Variants in ZC2HC1B observed in about 807,000 individuals in gnomAD.
ZC2HC1B encodes the protein zinc finger C2HC domain-containing protein 1B.
In ZC2HC1B, 36 loss-of-function variants were observed where a neutral mutation model predicts 31.0. That is an observed-to-expected ratio of 1.16 (90% CI 0.89 to 1.54). The LOEUF (loss-of-function observed/expected upper bound fraction) is 1.54, where lower values mean the gene tolerates loss of function less well. Ranked by LOEUF, ZC2HC1B falls within the 40% of genes most tolerant of loss-of-function variation. The pLI, the probability that ZC2HC1B is intolerant of heterozygous loss-of-function variation, is 0.00. For synonymous variants in ZC2HC1B, 73 were observed against 88.0 expected, an observed-to-expected ratio of 0.83 and a Z score of 0.95; for missense variants, 260 against 268.6, an observed-to-expected ratio of 0.97 and a Z score of 0.22.
At chr6:143,879,877 C>T (rs1777448946) in intron 1 of ZC2HC1B, among the ~76,000 whole-genome samples, 1 of 133,418 alleles carries the variant, frequency 7.5e-6, no homozygotes, top group African/African-American at 2.8e-5. Flanking sequence ...TGTTGCCCAG[C>T]AGGCACAATC....
At chr6:143,910,789 T>C (rs1428113934) in intron 6 of ZC2HC1B, among the ~76,000 whole-genome samples, 1 of 152,198 alleles carries the variant, frequency 6.6e-6, no homozygotes, top group Non-Finnish European at 1.5e-5. Flanking sequence ...AGTCTTGCTC[T>C]GTCTCCCAGG....
intron 4 of ZC2HC1B, among the ~76,000 whole-genome samples, chr6:143,893,922 G>T (rs1280150398): frequency 1.3e-5 from 2 of 152,062 alleles, no homozygotes; most frequent in East Asian, 3.9e-4. Flanking sequence ...TCCTGACCTC[G>T]TGATCCACCC....
rs577394274 is a variant in ZC2HC1B, at chr6:143,924,436, A to G, written c.599-13213A>G. On this transcript the variant is annotated intron_variant, in intron 6 of 7. Transcript: ENST00000237275. The surrounding 1 kb of genome is among the most constrained non-coding windows in gnomAD (Gnocchi z 5.2). ...ATATCCATGTTATCTACAAAGAGGGACAGTTTGACTTCCTCTATTCCAATT... is the reference window on the plus strand; with the variant it reads ...ATATCCATGTTATCTACAAAGAGGGGCAGTTTGACTTCCTCTATTCCAATT... Among the ~76,000 whole-genome samples the G allele has an allele frequency of 6.6e-6, 1 of 151,924 alleles. No individual in the cohort carries two copies. The highest frequency in any genetic ancestry group is 2.4e-5 in the African/African-American group (1 of 41,386).
rs1777649575 is a variant in ZC2HC1B at position 143,895,146 on chromosome 6, AATTT to A, written c.350-3401_350-3398del. ...GAATTCTCAGGCTTAAGTTCTAGAG[AATTT>A]ATTTGTTTTTTGTTGTTGTTGTTGT... On this transcript the variant is annotated intron_variant, in intron 4 of 7. Coordinates refer to ENST00000237275, the MANE Select transcript of ZC2HC1B (RefSeq NM_001013623.3). This position sits in a 1 kb window ranked among gnomAD's most constrained non-coding sequence, Gnocchi z 4.8. 2.0e-5 allele frequency among the ~76,000 whole-genome samples: 3 copies of A among 151,890 alleles called. No individual in the cohort carries two copies. Among genetic ancestry groups the A allele is most frequent in the South Asian group, 2.1e-4 (1 of 4,798 alleles).
chr6:143,864,786 G>C (rs1209577238), intron 1 of ZC2HC1B, among the ~76,000 whole-genome samples: 1 of 152,214 alleles, frequency 6.6e-6, no homozygotes, highest in East Asian at 1.9e-4. Context: ...GCTTGTCATT[G>C]CAGAAGTAGG....
chr6:143,867,470 G>GA (rs2128492791), intron 1 of ZC2HC1B, among the ~76,000 whole-genome samples: 1 of 152,290 alleles, frequency 6.6e-6, no homozygotes. Context: ...GAGTTTTAGG[G>GA]AACAAGTCAC....
At chr6:143,882,322 A>G (rs752105920) in intron 1 of ZC2HC1B, among the ~76,000 whole-genome samples, 4 of 102,952 alleles carry the variant, frequency 3.9e-5, no homozygotes, top group Non-Finnish European at 7.5e-5. Flanking sequence ...ATGTATACAT[A>G]TTTTATATTT....
intron 1 of ZC2HC1B, among the ~76,000 whole-genome samples, chr6:143,875,443 C>T (rs1318983617): frequency 6.6e-6 from 1 of 150,440 alleles, no homozygotes; most frequent in African/African-American, 2.5e-5. Context: ...TTTCAGCTAA[C>T]CAAGCAAATA....
At position 143,922,062 on chromosome 6, in the gene ZC2HC1B, G is replaced by A. The variant is rs960555007; in HGVS notation, c.599-15587G>A. ...GAAGGTGAATCTCTAAAGTGTTTAA[G>A]GACTTGGAGAAAAGTACCAAATGCC... On this transcript the variant is annotated intron_variant, in intron 6 of 7. Coordinates refer to ENST00000237275, the MANE Select transcript of ZC2HC1B (RefSeq NM_001013623.3). The surrounding 1 kb of genome is among the most constrained non-coding windows in gnomAD (Gnocchi z 5.0). 6.6e-6 allele frequency among the ~76,000 whole-genome samples: 1 copy of A among 152,178 alleles called. No homozygotes were observed. The highest frequency in any genetic ancestry group is 2.4e-5 in the African/African-American group (1 of 41,448).
intron 6 of ZC2HC1B, among the ~76,000 whole-genome samples, chr6:143,927,211 C>T (rs1053961034): frequency 7.2e-5 from 11 of 152,078 alleles, no homozygotes; most frequent in South Asian, 4.2e-4. Flanking sequence ...GGGTATATTG[C>T]GTAGTGTTGA....
intron 6 of ZC2HC1B, among the ~76,000 whole-genome samples, chr6:143,916,552 C>T (rs1010165301): frequency 2.0e-5 from 3 of 152,242 alleles, no homozygotes; most frequent in Non-Finnish European, 2.9e-5. Context: ...AGACACTCAA[C>T]ACCAGCCCAC....
intron 4 of ZC2HC1B, among the ~76,000 whole-genome samples, chr6:143,888,239 C>G (rs570944087): frequency 3.9e-5 from 6 of 152,178 alleles, no homozygotes; most frequent in Admixed American, 3.9e-4. Flanking sequence ...CCTGGGCTCT[C>G]TGTTCTATTC....
intron 6 of ZC2HC1B, among the ~76,000 whole-genome samples, chr6:143,935,942 C>T (rs968763019): frequency 6.6e-6 from 1 of 151,880 alleles, no homozygotes; most frequent in African/African-American, 2.4e-5. Context: ...GAGCCACTGC[C>T]CCTGTCTTCT....
chr6:143,886,795 C>A lies in ZC2HC1B; in HGVS notation c.323C>A (p.Pro108His). ...LAIKEGRPLP[P>H]PPPPSLNPDY... ...ATTAAAGAAGGCCGACCCCTCCCACCTCCACCCCCTCCATCCTTGAACCCA... is the reference window on the plus strand; with the variant it reads ...ATTAAAGAAGGCCGACCCCTCCCACATCCACCCCCTCCATCCTTGAACCCA... The change falls in exon 4 of 8, where the codon CCT (proline) becomes CAT (histidine). Residue 108 changes from proline to histidine, a missense_variant. Pro to His is a moderately conservative substitution (Grantham distance 77). Coordinates refer to ENST00000237275, the MANE Select transcript of ZC2HC1B (RefSeq NM_001013623.3). This position sits in a 1 kb window ranked among gnomAD's most constrained non-coding sequence, Gnocchi z 4.2. 1 of 1,540,000 alleles carries A rather than the reference C, an allele frequency of 6.5e-7. No individual in the cohort carries two copies. The highest frequency in any genetic ancestry group is 8.8e-7 in the Non-Finnish European group (1 of 1,141,770).
Position 143,884,305 on chromosome 6 carries a change from T to C in ZC2HC1B, c.30T>C (p.Asp10=), listed in dbSNP as rs746690380. The C allele has an allele frequency of 2.6e-5, 40 of 1,531,148 alleles. No individual in the cohort carries two copies. Among genetic ancestry groups the C allele is most frequent in the Non-Finnish European group, 3.0e-5 (34 of 1,131,844 alleles). 94.8% of individuals were successfully genotyped at this position (1,531,148 alleles called of 1,614,324 possible). A position where few individuals can be genotyped will look rare whatever the true frequency, so the allele number is the denominator to read the frequency against. ...AATGTGCTCTTGAATTTTACACAGA[T>C]GGCAATCAGGAATTGTTTCCCTGTG... MAGAEPFLA[D]GNQELFPCEV... is the part of the protein sequence containing the mutation. Residue 10 remains aspartate (D), a splice_region_variant and synonymous_variant, in exon 2 of 8, where the codon GAT becomes GAC. Coordinates refer to ENST00000237275, the MANE Select transcript of ZC2HC1B (RefSeq NM_001013623.3). This position sits in a 1 kb window ranked among gnomAD's most constrained non-coding sequence, Gnocchi z 5.1.
chr6:143,912,086 A>G (rs1053569567), intron 6 of ZC2HC1B, among the ~76,000 whole-genome samples: 1 of 152,122 alleles, frequency 6.6e-6, no homozygotes, highest in Non-Finnish European at 1.5e-5. Context: ...TGCATTGTGA[A>G]GTCCTGTACT....
At position 143,903,531 on chromosome 6, in the gene ZC2HC1B, A is replaced by G. The variant is rs1486475454; in HGVS notation, c.598+379A>G. ...ATCCTCCTCAATTTATGATGGGGCT[A>G]TGTCCTGATAAGCCCATTGTAAATA... is the stretch of plus-strand genomic sequence containing the variant. On this transcript the variant is annotated intron_variant, in intron 6 of 7. Coordinates refer to ENST00000237275, the MANE Select transcript of ZC2HC1B (RefSeq NM_001013623.3). The surrounding 1 kb of genome is among the most constrained non-coding windows in gnomAD (Gnocchi z 4.3). Among the ~76,000 whole-genome samples the G allele has an allele frequency of 1.3e-5, 2 of 152,218 alleles. No homozygotes were observed. The highest frequency in any genetic ancestry group is 2.1e-4 in the South Asian group (1 of 4,828).
chr6:143,893,334 G>A (rs1478060383), intron 4 of ZC2HC1B, among the ~76,000 whole-genome samples: 2 of 152,138 alleles, frequency 1.3e-5, no homozygotes, highest in Non-Finnish European at 2.9e-5. Flanking sequence ...GGAGGCCAAG[G>A]TAGGCGGATC....
chr6:143,925,973 TTTTG>T (rs1229705717), intron 6 of ZC2HC1B, among the ~76,000 whole-genome samples: 1 of 152,224 alleles, frequency 6.6e-6, no homozygotes, highest in Admixed American at 6.5e-5. Flanking sequence ...ATGTCTCCCT[TTTTG>T]TTTGTGATTT....
Sources: gnomAD v4.1 joint callset for allele counts (sites outside exome capture counted in the v4.1 genomes callset) on GRCh38, gnomAD v4.1.1 for gene constraint, Gnocchi (gnomAD v3.1) non-coding constraint, MANE v1.5 for transcripts, NCBI Gene and HGNC (gene_info 2026-07-23, HGNC 2026-07-21) for gene names.